KHDC1: variants seen among roughly 807,000 people sequenced by gnomAD.
The protein encoded by KHDC1 is KH homology domain-containing protein 1.
In KHDC1, 21 loss-of-function variants were observed where a neutral mutation model predicts 24.7. The ratio of observed to expected loss-of-function variants is 0.85; its 90% confidence interval spans 0.60 to 1.23. KHDC1 has a LOEUF of 1.23. KHDC1 is among the 50% of genes most tolerant of loss of function. KHDC1 has a pLI of 0.00. For synonymous variants in KHDC1, 98 were observed against 111.7 expected (o/e 0.88, Z 0.77); for missense variants, 274 against 298.5 (o/e 0.92, Z 0.61).
At chr6:73,281,112 G>T (rs914658812) in intron 2 of KHDC1, among the ~76,000 whole-genome samples, 12 of 152,078 alleles carry the variant, frequency 7.9e-5, no homozygotes, top group African/African-American at 2.9e-4. Context: ...GGGAGGCCAA[G>T]GCAGGCGGAT....
intron 2 of KHDC1, among the ~76,000 whole-genome samples, chr6:73,249,393 AATT>A (rs2150555055): frequency 6.6e-6 from 1 of 152,306 alleles, no homozygotes; most frequent in African/African-American, 2.4e-5. Flanking sequence ...CCGCTGGAAA[AATT>A]ATTCATGCAT....
intron 2 of KHDC1, chr6:73,263,418 T>C (rs937390799): frequency 4.9e-6 from 2 of 407,578 alleles, no homozygotes; most frequent in Non-Finnish European, 6.6e-6. Context: ...AGCTGCTTGG[T>C]GAGTGGCCTC....
At chr6:73,262,030 G>A (rs1020315395) in intron 2 of KHDC1, among the ~76,000 whole-genome samples, 2 of 151,878 alleles carry the variant, frequency 1.3e-5, no homozygotes, top group African/African-American at 4.8e-5. Context: ...AGTGAGCCAT[G>A]ATGGTGCCAC....
At chr6:73,242,264 T>G (rs6453659) in intron 3 of KHDC1, 27 bp from the exon 3 acceptor site, 392,556 of 1,606,864 alleles carry the variant, frequency 0.24, 55,566 homozygotes, top group African/African-American at 0.65. Context: ...TGAGAGGAGG[T>G]TCTGTCAAGC....
At chr6:73,295,047 G>A (rs953221041) in intron 1 of KHDC1, among the ~76,000 whole-genome samples, 2 of 152,056 alleles carry the variant, frequency 1.3e-5, no homozygotes, top group Non-Finnish European at 2.9e-5. Context: ...CCAGCTACTT[G>A]GGAGGCTGAG....
Position 73,254,252 on chromosome 6 carries a change from G to A in KHDC1, c.207-11722C>T, listed in dbSNP as rs555819541. Among the ~76,000 whole-genome samples the A allele has an allele frequency of 4.8e-4, 73 of 152,082 alleles. 1 individual carries two copies. The highest frequency in any genetic ancestry group is 1.6e-3 in the African/African-American group (66 of 41,528). The stretch of plus-strand genomic sequence containing the variant: ...AGGCGGGTGGGATCACTTGATGTCA[G>A]GAGTTTAAGACCAGCCTGGCCAACA... On this transcript the variant is annotated intron_variant, in intron 2 of 4. Transcript: ENST00000370384.
chr6:73,283,663 CAG>C (rs1359024664), intron 2 of KHDC1, among the ~76,000 whole-genome samples: 6 of 141,822 alleles, frequency 4.2e-5, no homozygotes, highest in African/African-American at 1.6e-4. Context: ...TTTTTGGAGA[CAG>C]AGTCTCTCTC....
intron 2 of KHDC1, chr6:73,290,335 T>G: frequency 4.6e-6 from 1 of 219,260 alleles, no homozygotes; most frequent in Non-Finnish European, 9.2e-6. Context: ...CAGAGAGGGG[T>G]CCATACAGTG....
At chr6:73,270,651 G>A (rs1315056672) in intron 2 of KHDC1, 1 of 151,790 alleles carries the variant, frequency 6.6e-6, no homozygotes, top group Non-Finnish European at 1.5e-5. Flanking sequence ...GTGTCCTGAA[G>A]GAATTGATCC....
At chr6:73,242,374 T>C in intron 3 of KHDC1, 32 bp downstream of exon 2, 1 of 1,613,742 alleles carries the variant, frequency 6.2e-7, no homozygotes, top group African/African-American at 1.3e-5. Flanking sequence ...AAGACAAGGA[T>C]GAAGAAGGGG....
chr6:73,260,002 A>G (rs1173453243), intron 2 of KHDC1, among the ~76,000 whole-genome samples: 4 of 152,126 alleles, frequency 2.6e-5, no homozygotes, highest in African/African-American at 9.7e-5. Flanking sequence ...TAAGATGCCA[A>G]TTTCTTTGCA....
chr6:73,259,143 T>G (rs1395685689), intron 2 of KHDC1, among the ~76,000 whole-genome samples: 7 of 152,168 alleles, frequency 4.6e-5, no homozygotes, highest in Admixed American at 4.6e-4. Flanking sequence ...ACCTGGTGGC[T>G]TAAGACAGAA....
At chr6:73,251,215 G>A (rs191646696) in intron 2 of KHDC1, among the ~76,000 whole-genome samples, 29 of 152,100 alleles carry the variant, frequency 1.9e-4, no homozygotes, top group Middle Eastern at 6.8e-3. Flanking sequence ...ATCATGTAGC[G>A]AAAAATAAAT....
chr6:73,308,673 A>AT (rs1164714219), intron 1 of KHDC1, among the ~76,000 whole-genome samples: 4 of 150,024 alleles, frequency 2.7e-5, no homozygotes, highest in Admixed American at 2.7e-4. Context: ...AATTTTTCAT[A>AT]TTTTTTTGTA....
intron 2 of KHDC1, among the ~76,000 whole-genome samples, chr6:73,245,563 A>G (rs543451576): frequency 6.6e-6 from 1 of 152,344 alleles, no homozygotes; most frequent in South Asian, 2.1e-4. Context: ...TGCTATTGCC[A>G]TCAAGGCTAA....
intron 2 of KHDC1, chr6:73,269,314 G>C (rs894599435): frequency 2.0e-5 from 3 of 152,572 alleles, no homozygotes; most frequent in Non-Finnish European, 4.4e-5. Context: ...CCAGAAAGGG[G>C]CTCCCACAGT....
intron 2 of KHDC1, among the ~76,000 whole-genome samples, chr6:73,254,300 A>C (rs889917705): frequency 1.3e-5 from 2 of 151,886 alleles, no homozygotes; most frequent in Non-Finnish European, 2.9e-5. Context: ...ATCTCTACTA[A>C]AAATATAAAA....
chr6:73,279,188 C>T (rs1490856386), intron 2 of KHDC1, among the ~76,000 whole-genome samples: 1 of 152,196 alleles, frequency 6.6e-6, no homozygotes, highest in Non-Finnish European at 1.5e-5. Flanking sequence ...TCGCAGATCA[C>T]TTGCAGTCAG....
chr6:73,289,838 C>T (rs1373295699), intron 2 of KHDC1, among the ~76,000 whole-genome samples: 1 of 151,816 alleles, frequency 6.6e-6, no homozygotes, highest in Non-Finnish European at 1.5e-5. Flanking sequence ...CGGTGGCTCA[C>T]GCCTGTAATC....
Sources: allele counts gnomAD v4.1 joint callset (sites outside exome capture counted in the v4.1 genomes callset), GRCh38; gene constraint gnomAD v4.1.1; transcripts MANE v1.5; gene names NCBI Gene and HGNC (gene_info 2026-07-23, HGNC 2026-07-21).